CIC: variants seen among roughly 807,000 people sequenced by gnomAD.
CIC encodes capicua transcriptional repressor, also known as protein capicua homolog.
A neutral mutation model predicts 115.7 loss-of-function variants in CIC; 18 were observed. That is an observed-to-expected ratio of 0.16 (90% CI 0.11 to 0.23). The LOEUF (loss-of-function observed/expected upper bound fraction) is 0.23. Ranked by LOEUF, CIC falls within the 10% of genes least tolerant of loss-of-function variation. CIC has a pLI of 1.00. For missense variants in CIC, 2,000 were observed against 2,159.3 expected, an observed-to-expected ratio of 0.93 and a Z score of 1.46; for synonymous variants, 1,076 against 923.0, an observed-to-expected ratio of 1.17 and a Z score of -3.01.
Position 42,284,696 on chromosome 19 carries a change from C to T in CIC, c.2795-2075C>T, listed in dbSNP as rs1288912638. On this transcript the variant is annotated intron_variant, in intron 2 of 20. Transcript: ENST00000681038. The stretch of plus-strand genomic sequence containing the variant: ...GCGAGCCCCTGCCGGGTCCCCCCTG[C>T]GCCGGACCATGTATTCGGCCCACAG... 17 of 1,543,882 alleles carry T rather than the reference C, an allele frequency of 1.1e-5. No homozygotes were observed. In the East Asian group the frequency reaches 1.2e-4, roughly 11 times the overall value.
At position 42,273,795 on chromosome 19, in the gene CIC, G is replaced by A; in HGVS notation, c.2012G>A (p.Gly671Asp). Reference sequence around the variant, plus strand: ...CTGAGCGCCAGCACCCCTAAGGCAGGCGTGCTGACGCCACCAGACCTGGGC... The same window carrying A: ...CTGAGCGCCAGCACCCCTAAGGCAGACGTGCTGACGCCACCAGACCTGGGC... ...RHLSASTPKA[G>D]VLTPPDLGPH... Residue 671 changes from glycine (G) to aspartate (D), a missense_variant, in exon 2 of 21, where the codon GGC becomes GAC. This residue lies in a region of CIC where 222 missense variants were observed against 247.7 expected (regional missense o/e 0.90). Transcript: ENST00000681038. The A allele has an allele frequency of 2.5e-6, 1 of 398,704 alleles. No individual in the cohort carries two copies. Among genetic ancestry groups the A allele is most frequent in the Non-Finnish European group, 4.4e-6 (1 of 226,106 alleles). 24.7% of individuals were successfully genotyped at this position (398,704 alleles called of 1,614,324 possible). A position where few individuals can be genotyped will look rare whatever the true frequency, so the allele number is the denominator to read the frequency against.
At chr19:42,286,674 AAGGGGTGGGGCTACCTCATCT>A (rs2037669190) in intron 2 of CIC, 76 bp from the exon 3 acceptor site, 1 of 1,496,426 alleles carries the variant, frequency 6.7e-7, no homozygotes, top group African/African-American at 1.6e-5. Context: ...GGGTAGACAA[AAGGGGTGGGGCTACCTCATCT>A]AGGGTGGGGA....
In CIC at chr19:42,274,391, ACCGTGCCTCCAGCTGCACCAACTG is replaced by A; in HGVS notation, c.2614_2637del (p.Pro872_Val879del). ...ACCTCTGCCAGCCCCCGTGCCCATC[ACCGTGCCTCCAGCTGCACCAACTG>A]CCGTGGCCCAGCCGATGCCCGCCTT... On this transcript the variant is annotated inframe_deletion, in exon 2 of 21. Coordinates refer to ENST00000681038, the MANE Select transcript of CIC (RefSeq NM_001386298.1). The A allele has an allele frequency of 2.5e-6, 1 of 398,976 alleles. No individual in the cohort carries two copies. The highest frequency in any genetic ancestry group is 4.4e-6 in the Non-Finnish European group (1 of 226,332). 24.7% of individuals were successfully genotyped at this position (398,976 alleles called of 1,614,324 possible).
rs762636574 is a variant in CIC at position 42,272,137 on chromosome 19, CAAG to C, written c.361_363del (p.Lys121del). 10 of 399,058 alleles carry C rather than the reference CAAG, an allele frequency of 2.5e-5. No individual in the cohort carries two copies. Among genetic ancestry groups the C allele is most frequent in the Non-Finnish European group, 3.1e-5 (7 of 226,496 alleles). The allele number at this position is 399,058 out of a possible 1,614,324, so 24.7% of individuals were successfully genotyped here. A position where few individuals can be genotyped will look rare whatever the true frequency, so the allele number is the denominator to read the frequency against. ...CAGCCACGTTCAAGTCTCGAGCGCCCAAGAAGAAGTATGTGGAGGAGCACGGAG... is the reference window on the plus strand; with the variant it reads ...CAGCCACGTTCAAGTCTCGAGCGCCCAAGAAGTATGTGGAGGAGCACGGAG... On this transcript the variant is annotated inframe_deletion, in exon 2 of 21. Coordinates refer to ENST00000681038, the MANE Select transcript of CIC (RefSeq NM_001386298.1).
rs573942363 is a variant in CIC at position 42,270,079 on chromosome 19, C to T, written c.-11+698C>T. ...AGGCAGCAAGGTCTAGGGGTCCAGG[C>T]GGCATAGTTGTAGGCCCTGGGTGGG... On this transcript the variant is annotated intron_variant, in intron 1 of 20. Coordinates refer to ENST00000681038, the MANE Select transcript of CIC (RefSeq NM_001386298.1). This position sits in a 1 kb window ranked among gnomAD's most constrained non-coding sequence, Gnocchi z 4.1. 1.3e-5 allele frequency among the ~76,000 whole-genome samples: 2 copies of T among 152,206 alleles called. No homozygotes were observed. The highest frequency in any genetic ancestry group is 6.5e-5 in the Admixed American group (1 of 15,294).
rs368086483 is a variant in CIC, at chr19:42,294,838, G to A, written c.7201G>A (p.Ala2401Thr). ...GFFPSAQATA[A>T]FQARYADIFP... ...TCTATCTCCAGCCCAGGCCACAGCCGCCTTCCAGGCCCGCTATGCAGACAT... is the reference window on the plus strand; with the variant it reads ...TCTATCTCCAGCCCAGGCCACAGCCACCTTCCAGGCCCGCTATGCAGACAT... The change falls in exon 21 of 21, where the codon GCC becomes ACC. Residue 2401 changes from alanine to threonine, a missense_variant. Physicochemically the swap from Ala to Thr is moderately conservative, Grantham distance 58. Coordinates refer to ENST00000681038, the MANE Select transcript of CIC (RefSeq NM_001386298.1). 10 of 1,601,794 alleles carry A rather than the reference G, an allele frequency of 6.2e-6. No homozygotes were observed. The highest frequency in any genetic ancestry group is 1.6e-4 in the Middle Eastern group (1 of 6,084).
At position 42,273,759 on chromosome 19, in the gene CIC, G is replaced by A. The variant is rs781702039; in HGVS notation, c.1976G>A (p.Arg659His). Residue 659 changes from arginine to histidine, a missense_variant, in exon 2 of 21, where the codon CGC (arginine) becomes CAC (histidine). By Grantham distance (29) the Arg-to-His change is conservative. This residue lies in a region of CIC where 222 missense variants were observed against 247.7 expected (regional missense o/e 0.90). Transcript: ENST00000681038. The part of the protein sequence containing the change: ...ASPVIQRTAV[R>H]SRHLSASTPK... ...CCAGTCATCCAGCGCACTGCAGTCC[G>A]CAGTCGCCACCTGAGCGCCAGCACC... 1.0e-5 allele frequency: 4 copies of A among 398,590 alleles called. No individual in the cohort carries two copies. Among genetic ancestry groups the A allele is most frequent in the Non-Finnish European group, 1.8e-5 (4 of 226,066 alleles). The allele number at this position is 398,590 out of a possible 1,614,324, so 24.7% of individuals were successfully genotyped here.
chr19:42,287,297 C>G lies in CIC; in HGVS notation c.3180-23C>G. The G allele has an allele frequency of 6.2e-7, 1 of 1,614,102 alleles. No homozygotes were observed. Among genetic ancestry groups the G allele is most frequent in the Non-Finnish European group, 8.5e-7 (1 of 1,180,034 alleles). On this transcript the variant is annotated intron_variant, in intron 4 of 20. Transcript: ENST00000681038. The surrounding 1 kb of genome is among the most constrained non-coding windows in gnomAD (Gnocchi z 8.7). Reference sequence around the variant, plus strand: ...GGGATGGCCAGAGACATGGCCCTCACTGTCCCTGCTGCCCCGCCGCAGCTT... The same window carrying G: ...GGGATGGCCAGAGACATGGCCCTCAGTGTCCCTGCTGCCCCGCCGCAGCTT...
intron 2 of CIC, among the ~76,000 whole-genome samples, chr19:42,275,697 A>G (rs1254703904): frequency 6.6e-6 from 1 of 152,144 alleles, no homozygotes; most frequent in Non-Finnish European, 1.5e-5. Context: ...TTATTTTTAT[A>G]GAGATGGGGT....
chr19:42,274,893 A>G (rs1187352661), intron 2 of CIC, among the ~76,000 whole-genome samples: 1 of 152,160 alleles, frequency 6.6e-6, no homozygotes, highest in Non-Finnish European at 1.5e-5. Context: ...TAATTGTGGC[A>G]ACAGCTTCCA....
chr19:42,285,317 C>T (rs550129221), intron 2 of CIC, among the ~76,000 whole-genome samples: 1 of 152,224 alleles, frequency 6.6e-6, no homozygotes, highest in South Asian at 2.1e-4. Flanking sequence ...CCCCACCCCC[C>T]AGAAAAGAGG....
At chr19:42,282,715 T>C (rs2037315990) in intron 2 of CIC, among the ~76,000 whole-genome samples, 3 of 152,248 alleles carry the variant, frequency 2.0e-5, no homozygotes, top group South Asian at 4.1e-4. Flanking sequence ...CCACAGTTTA[T>C]TCAATCTCTG....
At chr19:42,285,080 ACCTGCTGGT>A (rs1263188516) in intron 2 of CIC, among the ~76,000 whole-genome samples, 2 of 152,012 alleles carry the variant, frequency 1.3e-5, no homozygotes, top group African/African-American at 2.4e-5. Context: ...ACAGCACGAG[ACCTGCTGGT>A]CCTAGGGGAG....
In CIC at chr19:42,287,560, A is replaced by G. The variant is rs2037750243; in HGVS notation, c.3325A>G (p.Ile1109Val). 3 of 1,613,520 alleles carry G rather than the reference A, an allele frequency of 1.9e-6. No individual in the cohort carries two copies. Among genetic ancestry groups the G allele is most frequent in the Non-Finnish European group, 2.5e-6 (3 of 1,180,014 alleles). Residue 1109 changes from isoleucine to valine, a missense_variant, in exon 6 of 21, where the codon ATC becomes GTC. Transcript: ENST00000681038. The surrounding 1 kb of genome is among the most constrained non-coding windows in gnomAD (Gnocchi z 8.7). ...RSPNKREKDH[I>V]RRPMNAFMIF... is the part of the protein sequence containing the mutation. Reference sequence around the variant, plus strand: ...TTTAATGCAGCGGGAGAAGGACCACATCCGGCGGCCCATGAATGCCTTCAT... The same window carrying G: ...TTTAATGCAGCGGGAGAAGGACCACGTCCGGCGGCCCATGAATGCCTTCAT...
rs767618694 is a variant in CIC at position 42,290,533 on chromosome 19, C to T, written c.4492C>T (p.Arg1498Trp). Residue 1498 changes from arginine to tryptophan, a missense_variant, in exon 11 of 21, where the codon CGG becomes TGG. Around this residue, in one of 8 missense-constraint regions of CIC, gnomAD observed 1,466 missense variants for 1,390.4 expected, o/e 1.05. Coordinates refer to ENST00000681038, the MANE Select transcript of CIC (RefSeq NM_001386298.1). ...GGPATPSKAT[R>W]FLPMDPATFR... ...TCCAGCGACACCTTCCAAGGCAACC[C>T]GGTTCCTCCCAATGGATCCTGCCAC... 5.6e-6 allele frequency: 9 copies of T among 1,613,334 alleles called. No individual in the cohort carries two copies. Among genetic ancestry groups the T allele is most frequent in the Middle Eastern group, 1.7e-4 (1 of 5,772 alleles).
In CIC at chr19:42,292,591, C is replaced by G. The variant is rs142564982; in HGVS notation, c.5928C>G (p.Pro1976=). The G allele has an allele frequency of 6.2e-7, 1 of 1,613,352 alleles. No individual in the cohort carries two copies. The stretch of plus-strand genomic sequence containing the variant: ...CAGGCCAAGCCCCACTGCTGGCTCC[C>G]GGTCAGGTGGGCGTGTCACCTGTGC... The part of the protein sequence containing the change: ...LSAGQAPLLA[P]GQVGVSPVPS... Residue 1976 remains proline, a synonymous_variant, in exon 15 of 21, where the codon CCC becomes CCG. Coordinates refer to ENST00000681038, the MANE Select transcript of CIC (RefSeq NM_001386298.1).
At position 42,286,758 on chromosome 19, in the gene CIC, C is replaced by G. The variant is rs746631252; in HGVS notation, c.2795-13C>G. On this transcript the variant is annotated splice_polypyrimidine_tract_variant and intron_variant, in intron 2 of 20. Coordinates refer to ENST00000681038, the MANE Select transcript of CIC (RefSeq NM_001386298.1). The stretch of plus-strand genomic sequence containing the variant: ...CTCTCCTGCTGCACAGCTCACCTGG[C>G]TCCTTTCCACAGTGTGGACGAATGT... 2 of 1,613,898 alleles carry G rather than the reference C, an allele frequency of 1.2e-6. No individual in the cohort carries two copies.
intron 2 of CIC, among the ~76,000 whole-genome samples, chr19:42,283,338 A>G (rs73552881): frequency 0.071 from 10,871 of 152,044 alleles, 463 homozygotes; most frequent in Middle Eastern, 0.16. Flanking sequence ...GGGTTGGCGA[A>G]GCATGTGTGA....
chr19:42,281,938 T>C (rs1249663857), intron 2 of CIC, among the ~76,000 whole-genome samples: 1 of 152,190 alleles, frequency 6.6e-6, no homozygotes. Flanking sequence ...TCCTCTGAGC[T>C]CTGTCCTTGG....
Sources: gnomAD v4.1 joint callset for allele counts (sites outside exome capture counted in the v4.1 genomes callset) on GRCh38, gnomAD v4.1.1 for gene constraint, gnomAD v4.1.1 regional missense constraint, Gnocchi (gnomAD v3.1) non-coding constraint, MANE v1.5 for transcripts, NCBI Gene and HGNC (gene_info 2026-07-23, HGNC 2026-07-21) for gene names.